UBXN4: variants seen among roughly 807,000 people sequenced by gnomAD.
UBXN4 encodes UBX domain-containing protein 4.
A neutral mutation model predicts 66.2 loss-of-function variants in UBXN4; 35 were observed. The observed-to-expected ratio is 0.53, with a 90% CI of 0.40 to 0.70. The LOEUF is 0.70. UBXN4 is among the 30% of genes least tolerant of loss of function. UBXN4 has a pLI of 0.00. For missense variants in UBXN4, 533 were observed against 599.8 expected (o/e 0.89, Z 1.16); for synonymous variants, 203 against 204.5 (o/e 0.99, Z 0.06).
chr2:135,778,828 G>T, intron 10 of UBXN4, 120 bp from the exon 11 acceptor site: 1 of 1,121,084 alleles, frequency 8.9e-7, no homozygotes, highest in Non-Finnish European at 1.2e-6. Flanking sequence ...CTTTTTTTGA[G>T]TTTACATGTA....
At position 135,778,974 on chromosome 2, in the gene UBXN4, T is replaced by C; in HGVS notation, c.1080T>C (p.Phe360=). 2.5e-6 allele frequency: 4 copies of C among 1,612,838 alleles called. No individual in the cohort carries two copies. The highest frequency in any genetic ancestry group is 2.5e-6 in the Non-Finnish European group (3 of 1,179,584). ...AQTVGNTYGN[F]SLATMFPRRE... is the part of the protein sequence containing the mutation. ...CTGTTGGCAACACTTACGGTAATTTTTCGTTAGCAACCATGTTTCCCAGGA... is the reference window on the plus strand; with the variant it reads ...CTGTTGGCAACACTTACGGTAATTTCTCGTTAGCAACCATGTTTCCCAGGA... Residue 360 remains phenylalanine (F), a synonymous_variant, in exon 11 of 13, where the codon TTT becomes TTC. Transcript: ENST00000272638.
intron 5 of UBXN4, among the ~76,000 whole-genome samples, chr2:135,756,296 G>A (rs1215625855): frequency 6.6e-6 from 1 of 152,146 alleles, no homozygotes; most frequent in Non-Finnish European, 1.5e-5. Context: ...TGTCCTAAAA[G>A]ATGAATCTAC....
chr2:135,761,519 A>C (rs1003488816), intron 5 of UBXN4, among the ~76,000 whole-genome samples: 1 of 152,216 alleles, frequency 6.6e-6, no homozygotes, highest in African/African-American at 2.4e-5. Flanking sequence ...ACTGCTCTAG[A>C]GTGAAGGCTA....
At chr2:135,747,864 A>AC in intron 1 of UBXN4, 1 of 345,820 alleles carries the variant, frequency 2.9e-6, no homozygotes, top group South Asian at 2.1e-5. Context: ...CAGGTGATCT[A>AC]CCCGCCTCAG....
chr2:135,781,132 T>A (rs533478940), intron 12 of UBXN4, among the ~76,000 whole-genome samples: 1 of 152,298 alleles, frequency 6.6e-6, no homozygotes, highest in South Asian at 2.1e-4. Context: ...GATGGGAAGA[T>A]CACTTGAGCC....
At chr2:135,748,400 T>C in intron 2 of UBXN4, 31 bp downstream of exon 2, 2 of 1,448,932 alleles carry the variant, frequency 1.4e-6, no homozygotes, top group South Asian at 1.4e-5. Context: ...TTTATTAATT[T>C]TAAAATTTAT....
intron 12 of UBXN4, 70 bp from the exon 13 acceptor site, chr2:135,782,679 G>A: frequency 1.3e-6 from 2 of 1,562,422 alleles, no homozygotes; most frequent in Non-Finnish European, 1.7e-6. Context: ...GATGGAAGTT[G>A]GAAACAGCTT....
chr2:135,783,687 A>T lies in UBXN4; in HGVS notation c.*800A>T, dbSNP rs979597772. The T allele has an allele frequency of 9.2e-5, 14 of 152,192 alleles. No homozygotes were observed. Among genetic ancestry groups the T allele is most frequent in the Non-Finnish European group, 1.9e-4 (13 of 68,024 alleles). The allele number at this position is 152,192 out of a possible 1,614,324, so 9.4% of individuals were successfully genotyped here. On this transcript the variant is annotated 3_prime_UTR_variant, in exon 13 of 13. Transcript: ENST00000272638. ...CCTTTGTTCTTGTGAGATGCAAAACAGCTGCTAGTCTGCAACCTAGTTTTC... is the reference window on the plus strand; with the variant it reads ...CCTTTGTTCTTGTGAGATGCAAAACTGCTGCTAGTCTGCAACCTAGTTTTC...
chr2:135,758,897 T>A (rs916892010), intron 5 of UBXN4, among the ~76,000 whole-genome samples: 2 of 152,080 alleles, frequency 1.3e-5, no homozygotes, highest in African/African-American at 2.4e-5. Context: ...TAGCTGGGAC[T>A]ACAGGCGTGC....
At chr2:135,774,660 C>T (rs756851857) in intron 9 of UBXN4, among the ~76,000 whole-genome samples, 2 of 151,914 alleles carry the variant, frequency 1.3e-5, no homozygotes, top group Non-Finnish European at 2.9e-5. Context: ...GCCTCGCCAA[C>T]GTGGCAAAAA....
Position 135,770,563 on chromosome 2 carries a change from T to C in UBXN4, c.658-8T>C. The C allele has an allele frequency of 6.9e-7, 1 of 1,448,808 alleles. No individual in the cohort carries two copies. Among genetic ancestry groups the C allele is most frequent in the Non-Finnish European group, 9.1e-7 (1 of 1,094,704 alleles). 89.7% of individuals were successfully genotyped at this position (1,448,808 alleles called of 1,614,324 possible). On this transcript the variant is annotated splice_polypyrimidine_tract_variant and splice_region_variant and intron_variant, in intron 7 of 12. Coordinates refer to ENST00000272638, the MANE Select transcript of UBXN4 (RefSeq NM_014607.4). Reference sequence around the variant, plus strand: ...TTTTTGGATCATAAAACTTTTTCTTTAATTCAGAGAGAAATTAAGAAGGAA... The same window carrying C: ...TTTTTGGATCATAAAACTTTTTCTTCAATTCAGAGAGAAATTAAGAAGGAA...
rs556528678 is a variant in UBXN4, at chr2:135,759,258, A to G, written c.509-2560A>G. Among the ~76,000 whole-genome samples the G allele has an allele frequency of 3.3e-5, 5 of 152,368 alleles. No individual in the cohort carries two copies. In the South Asian group the frequency reaches 8.3e-4, roughly 25 times the overall value. The stretch of plus-strand genomic sequence containing the variant: ...TTTGTATGATTTCATCTTTTAAAAT[A>G]TCAATATCTAAAAGATAAGAAATTT... On this transcript the variant is annotated intron_variant, in intron 5 of 12. Coordinates refer to ENST00000272638, the MANE Select transcript of UBXN4 (RefSeq NM_014607.4).
chr2:135,781,663 T>C (rs1158768707), intron 12 of UBXN4, among the ~76,000 whole-genome samples: 2 of 152,224 alleles, frequency 1.3e-5, no homozygotes, highest in African/African-American at 4.8e-5. Context: ...GTTACTGTAG[T>C]GAGGACAGAG....
intron 10 of UBXN4, among the ~76,000 whole-genome samples, 171 bp from the exon 11 acceptor site, chr2:135,778,777 A>G (rs1380888876): frequency 6.6e-6 from 1 of 152,186 alleles, no homozygotes; most frequent in Non-Finnish European, 1.5e-5. Flanking sequence ...TGGATTTGAT[A>G]GCTTTTCAGC....
chr2:135,750,101 A>C (rs1306694156), intron 2 of UBXN4, among the ~76,000 whole-genome samples: 3 of 152,064 alleles, frequency 2.0e-5, no homozygotes, highest in Admixed American at 2.0e-4. Context: ...TCTCTTTATG[A>C]TGTTAGCAGC....
At chr2:135,778,408 A>G (rs1356495074) in intron 10 of UBXN4, among the ~76,000 whole-genome samples, 2 of 152,250 alleles carry the variant, frequency 1.3e-5, no homozygotes, top group East Asian at 3.9e-4. Context: ...TAAAATTGTG[A>G]GGGTGACTTA....
intron 6 of UBXN4, among the ~76,000 whole-genome samples, chr2:135,768,286 C>A (rs182861865): frequency 0.018 from 2,762 of 152,020 alleles, 39 homozygotes; most frequent in Non-Finnish European, 0.025. Flanking sequence ...GCAACCTCCG[C>A]CCCCCAGGTT....
chr2:135,749,459 G>A (rs1315278976), intron 2 of UBXN4, among the ~76,000 whole-genome samples: 1 of 152,100 alleles, frequency 6.6e-6, no homozygotes, highest in Non-Finnish European at 1.5e-5. Flanking sequence ...TGAAAGTAAT[G>A]TAACAGTGTA....
Position 135,782,981 on chromosome 2 carries a change from C to A in UBXN4, c.*94C>A. The A allele has an allele frequency of 7.4e-7, 1 of 1,347,108 alleles. No homozygotes were observed. Among genetic ancestry groups the A allele is most frequent in the Non-Finnish European group, 1.0e-6 (1 of 982,682 alleles). The allele number at this position is 1,347,108 out of a possible 1,614,324, so 83.4% of individuals were successfully genotyped here. ...GAGAAGTGGGACTGCTTTATATTTT[C>A]CAACTGGTCTATAAAATGTCTCTTT... On this transcript the variant is annotated 3_prime_UTR_variant, in exon 13 of 13. Transcript: ENST00000272638.
Sources: allele counts gnomAD v4.1 joint callset (sites outside exome capture counted in the v4.1 genomes callset), GRCh38; gene constraint gnomAD v4.1.1; transcripts MANE v1.5; gene names NCBI Gene and HGNC (gene_info 2026-07-23, HGNC 2026-07-21).